BDNF: variants seen among roughly 807,000 people sequenced by gnomAD.
BDNF encodes the protein neurotrophic factor BDNF precursor form.
BDNF carries 1 observed loss-of-function variant against 19.5 expected under a neutral mutation model. The ratio of observed to expected loss-of-function variants is 0.05; its 90% CI spans 0.02 to 0.24. The LOEUF is 0.24. Among genes scored for constraint, BDNF ranks in the 10% least tolerant of loss-of-function variants. The probability of loss-of-function intolerance (pLI) is 1.00; values close to 1 mark genes in which losing one functional copy is unlikely to be tolerated. For synonymous variants in BDNF, 100 were observed against 121.6 expected, an observed-to-expected ratio of 0.82 and a Z score of 1.17; for missense variants, 195 against 317.6, an observed-to-expected ratio of 0.61 and a Z score of 2.93.
At chr11:27,680,192 A>C (rs909765250) in intron 1 of BDNF, among the ~76,000 whole-genome samples, 2 of 152,218 alleles carry the variant, frequency 1.3e-5, no homozygotes, top group Admixed American at 6.5e-5. Flanking sequence ...TGCAGTGTTA[A>C]GGGTGGGTTA....
intron 1 of BDNF, among the ~76,000 whole-genome samples, chr11:27,664,089 G>C (rs971260040): frequency 1.3e-5 from 2 of 151,972 alleles, no homozygotes; most frequent in Admixed American, 6.6e-5. Context: ...CTGTGAGCGT[G>C]TAATCAGAGA....
chr11:27,674,309 G>C, intron 1 of BDNF: 1 of 1,549,988 alleles, frequency 6.5e-7, no homozygotes, highest in Non-Finnish European at 8.7e-7. Flanking sequence ...GGTTATTTTT[G>C]CATCCCACTC....
At chr11:27,663,632 A>G (rs1853816186) in intron 1 of BDNF, among the ~76,000 whole-genome samples, 1 of 152,240 alleles carries the variant, frequency 6.6e-6, no homozygotes, top group Admixed American at 6.5e-5. Context: ...TATGCGTCAG[A>G]GAGGTTAGGT....
rs765357564 is a variant in BDNF, at chr11:27,674,131, T to C, written c.-21-15546A>G. The C allele has an allele frequency of 5.6e-6, 9 of 1,611,900 alleles. No homozygotes were observed. In the South Asian group the frequency reaches 9.9e-5, roughly 18 times the overall value. Reference sequence around the variant, plus strand: ...ACGTGGAGGTACACAGCACAGCCCTTCTTCTGGGATGCACAGTCATGCCAT... The same window carrying C: ...ACGTGGAGGTACACAGCACAGCCCTCCTTCTGGGATGCACAGTCATGCCAT... On this transcript the variant is annotated intron_variant, in intron 1 of 1. Transcript: ENST00000356660.
Position 27,658,057 on chromosome 11 carries a change from C to A in BDNF, c.508G>T (p.Val170Phe), listed in dbSNP as rs77787410. 2 of 1,614,136 alleles carry A rather than the reference C, an allele frequency of 1.2e-6. No homozygotes were observed. The highest frequency in any genetic ancestry group is 1.1e-5 in the South Asian group (1 of 91,078). ...TTCAGTTGGCCTTTTGATACAGGGA[C>A]CTTTTCAAGGACTGTGACCGTCCCG... ...SGGTVTVLEKVPVSKGQLKQY... is the reference protein window; with the variant it reads ...SGGTVTVLEKFPVSKGQLKQY... The change falls in exon 2 of 2, where the codon GTC (valine) becomes TTC (phenylalanine). Residue 170 changes from valine (V) to phenylalanine (F), a missense_variant. Val to Phe is a conservative substitution (Grantham distance 50). Transcript: ENST00000356660. This position sits in a 1 kb window ranked among gnomAD's most constrained non-coding sequence, Gnocchi z 5.7.
intron 1 of BDNF, among the ~76,000 whole-genome samples, chr11:27,698,631 A>T (rs1225301287): frequency 1.3e-5 from 2 of 152,166 alleles, no homozygotes; most frequent in African/African-American, 2.4e-5. Context: ...CAGGATATTG[A>T]GTCAGTAGGG....
intron 1 of BDNF, among the ~76,000 whole-genome samples, chr11:27,717,223 T>C (rs953706009): frequency 6.6e-6 from 1 of 152,178 alleles, no homozygotes; most frequent in African/African-American, 2.4e-5. Context: ...TAATAGACAA[T>C]TGAAAAATAA....
chr11:27,663,499 C>T (rs945568474), intron 1 of BDNF, among the ~76,000 whole-genome samples: 7 of 152,224 alleles, frequency 4.6e-5, no homozygotes, highest in Non-Finnish European at 8.8e-5. Flanking sequence ...CTCTTTTACT[C>T]TTGCTGTAGT....
At chr11:27,706,119 G>C (rs758705837) in intron 1 of BDNF, among the ~76,000 whole-genome samples, 1 of 152,182 alleles carries the variant, frequency 6.6e-6, no homozygotes, top group Non-Finnish European at 1.5e-5. Flanking sequence ...ACTTAGAGGC[G>C]GGGGAGGGCC....
At chr11:27,702,400 T>C (rs1333711845), upstream of BDNF, among the ~76,000 whole-genome samples, 1 of 152,060 alleles carries the variant, frequency 6.6e-6, no homozygotes, top group Non-Finnish European at 1.5e-5. Context: ...TGAGAAACAC[T>C]CTCTTGGGGG....
chr11:27,685,387 C>G (rs1227338746), intron 1 of BDNF, among the ~76,000 whole-genome samples: 1 of 152,124 alleles, frequency 6.6e-6, no homozygotes, highest in Non-Finnish European at 1.5e-5. Context: ...TTTTTTGTGT[C>G]TCTAATCTCC....
intron 1 of BDNF, among the ~76,000 whole-genome samples, chr11:27,695,997 T>G (rs1858946181): frequency 6.6e-6 from 1 of 151,990 alleles, no homozygotes; most frequent in African/African-American, 2.4e-5. Flanking sequence ...ACACACACAT[T>G]TACCACTCCC....
chr11:27,664,731 G>A (rs879622885), intron 1 of BDNF, among the ~76,000 whole-genome samples: 3 of 152,160 alleles, frequency 2.0e-5, no homozygotes, highest in African/African-American at 4.8e-5. Context: ...TACAGTGAGC[G>A]ATTGATCATG....
intron 1 of BDNF, chr11:27,719,550 G>A (rs1860665891): frequency 2.0e-6 from 2 of 985,152 alleles, no homozygotes; most frequent in Non-Finnish European, 1.2e-6. Context: ...GGGGAGCGGA[G>A]CGCGGTCTCG....
intron 1 of BDNF, among the ~76,000 whole-genome samples, chr11:27,715,051 G>T (rs1041349055): frequency 2.6e-5 from 4 of 152,106 alleles, no homozygotes; most frequent in African/African-American, 9.7e-5. Context: ...ATTTGGTCTT[G>T]CTTGTTCTTG....
chr11:27,671,808 C>G (rs1340175929), intron 1 of BDNF, among the ~76,000 whole-genome samples: 1 of 152,056 alleles, frequency 6.6e-6, no homozygotes. Flanking sequence ...CTCATTCCAC[C>G]TACCCCACCC....
intron 1 of BDNF, chr11:27,699,233 A>C (rs1590454759): frequency 8.7e-7 from 1 of 1,147,318 alleles, no homozygotes; most frequent in South Asian, 1.3e-5. Context: ...TACCCCCAAC[A>C]CACAAACACT....
At chr11:27,679,988 C>T (rs1856637995) in intron 1 of BDNF, among the ~76,000 whole-genome samples, 1 of 152,172 alleles carries the variant, frequency 6.6e-6, no homozygotes, top group Admixed American at 6.5e-5. Flanking sequence ...CAAAGGTCAC[C>T]CAAATTTCTG....
intron 1 of BDNF, among the ~76,000 whole-genome samples, chr11:27,683,179 G>T (rs150352736): frequency 6.6e-6 from 1 of 151,976 alleles, no homozygotes; most frequent in African/African-American, 2.4e-5. Context: ...GCTTTTCTTC[G>T]TATGTTTGTT....
Sources: gnomAD v4.1 joint callset for allele counts (sites outside exome capture counted in the v4.1 genomes callset) on GRCh38, gnomAD v4.1.1 for gene constraint, Gnocchi (gnomAD v3.1) non-coding constraint, MANE v1.5 for transcripts, NCBI Gene and HGNC (gene_info 2026-07-23, HGNC 2026-07-21) for gene names.